JCAD: variants seen among roughly 807,000 people sequenced by gnomAD.
JCAD encodes junctional cadherin 5 associated.
Under a neutral mutation model 98.0 loss-of-function variants are expected in JCAD, and 40 were observed. The ratio of observed to expected loss-of-function variants is 0.41; its 90% CI spans 0.32 to 0.53. The LOEUF (loss-of-function observed/expected upper bound fraction) is 0.53, where lower values mean the gene tolerates loss of function less well. JCAD is among the 20% of genes least tolerant of loss of function. JCAD has a pLI of 0.31. For synonymous variants in JCAD, 691 were observed against 682.3 expected, an observed-to-expected ratio of 1.01 and a Z score of -0.20; for missense variants, 1,705 against 1,738.1, an observed-to-expected ratio of 0.98 and a Z score of 0.34.
Position 30,047,878 on chromosome 10 carries a change from G to A in JCAD, c.-59-7C>T. 2 of 1,503,258 alleles carry A rather than the reference G, an allele frequency of 1.3e-6. No homozygotes were observed. Among genetic ancestry groups the A allele is most frequent in the South Asian group, 1.3e-5 (1 of 76,592 alleles). 93.1% of individuals were successfully genotyped at this position (1,503,258 alleles called of 1,614,324 possible). On this transcript the variant is annotated splice_polypyrimidine_tract_variant and splice_region_variant and intron_variant, in intron 1 of 3. Coordinates refer to ENST00000375377, the MANE Select transcript of JCAD (RefSeq NM_020848.4). ...GTGGTGGCAGGACCCAGCACTGCAG[G>A]ACAACAGAGAGCTCTATTTGTGACT...
intron 1 of JCAD, among the ~76,000 whole-genome samples, chr10:30,102,296 T>A (rs1838485993): frequency 6.6e-6 from 1 of 151,950 alleles, no homozygotes; most frequent in Admixed American, 6.6e-5. Context: ...AGCCTCCCAA[T>A]TAGCTGGGAT....
intron 3 of JCAD, among the ~76,000 whole-genome samples, chr10:30,025,685 C>T (rs1467235343): frequency 2.0e-5 from 3 of 151,662 alleles, no homozygotes; most frequent in Non-Finnish European, 2.9e-5. Context: ...CTCAGGAGTT[C>T]GAGACCAGCC....
chr10:30,108,424 A>T lies in JCAD; in HGVS notation n.128+6943T>A, dbSNP rs555103305. Reference sequence around the variant, plus strand: ...TATTCAAGCTCAGAATTGCAGAGGGATAGGCATCCACATAGCCTTGAGTTT... The same window carrying T: ...TATTCAAGCTCAGAATTGCAGAGGGTTAGGCATCCACATAGCCTTGAGTTT... On this transcript the variant is annotated intron_variant and non_coding_transcript_variant, in intron 1 of 2. Transcript: ENST00000465712. 9.9e-5 allele frequency among the ~76,000 whole-genome samples: 15 copies of T among 152,200 alleles called. No individual in the cohort carries two copies. In the East Asian group the frequency reaches 1.7e-3, roughly 18 times the overall value.
rs767490663 is a variant in JCAD at position 30,041,411 on chromosome 10, TAGAAAC to T, written c.281+6115_281+6120del. On this transcript the variant is annotated intron_variant, in intron 2 of 3. Coordinates refer to ENST00000375377, the MANE Select transcript of JCAD (RefSeq NM_020848.4). ...TAAGTTTGTAAAAGAAAGAGGAACA[TAGAAAC>T]AGATGTTAAACTTGAAGCATTCTCT... is the stretch of plus-strand genomic sequence containing the variant. 7.9e-5 allele frequency among the ~76,000 whole-genome samples: 12 copies of T among 152,306 alleles called. No individual in the cohort carries two copies. The East Asian group carries it at 1.2e-3, about 15-fold the overall frequency.
intron 1 of JCAD, among the ~76,000 whole-genome samples, chr10:30,078,595 T>G (rs1276358283): frequency 1.3e-5 from 2 of 152,210 alleles, no homozygotes; most frequent in Admixed American, 6.5e-5. Context: ...TCTGATCTGA[T>G]AGCAAGACCA....
At chr10:30,086,139 A>AT (rs983808268) in intron 1 of JCAD, among the ~76,000 whole-genome samples, 9 of 152,096 alleles carry the variant, frequency 5.9e-5, no homozygotes, top group African/African-American at 1.9e-4. Context: ...TTAAAAAATT[A>AT]TTTTTTTAAA....
chr10:30,016,415 AG>A lies in JCAD; in HGVS notation c.*1467del, dbSNP rs1836536651. ...AAGAAAGGAAGGGAGGGAGGGAGGGAGGGAGGGGAAATGATTTAGGGAATGT... is the reference window on the plus strand; with the variant it reads ...AAGAAAGGAAGGGAGGGAGGGAGGGAGGAGGGGAAATGATTTAGGGAATGT... On this transcript the variant is annotated 3_prime_UTR_variant, in exon 4 of 4. Coordinates refer to ENST00000375377, the MANE Select transcript of JCAD (RefSeq NM_020848.4). The A allele has an allele frequency of 1.2e-5, 1 of 81,230 alleles. No homozygotes were observed. Among genetic ancestry groups the A allele is most frequent in the African/African-American group, 4.6e-5 (1 of 21,802 alleles). The allele number at this position is 81,230 out of a possible 1,614,324, so 5.0% of individuals were successfully genotyped here.
chr10:30,113,722 C>G (rs1838745839), intron 1 of JCAD, among the ~76,000 whole-genome samples: 1 of 152,076 alleles, frequency 6.6e-6, no homozygotes, highest in South Asian at 2.1e-4. Context: ...CTTTTTACCT[C>G]TCATCAGGGC....
At chr10:30,046,213 G>A (rs1374870462) in intron 2 of JCAD, among the ~76,000 whole-genome samples, 1 of 152,170 alleles carries the variant, frequency 6.6e-6, no homozygotes, top group African/African-American at 2.4e-5. Flanking sequence ...CACAGTGTTA[G>A]GAAGGGATGA....
intron 3 of JCAD, among the ~76,000 whole-genome samples, chr10:30,019,858 T>C (rs920101674): frequency 5.3e-5 from 8 of 151,918 alleles, no homozygotes; most frequent in Admixed American, 3.3e-4. Flanking sequence ...AATCTATAGA[T>C]GAATCAAAAC....
At chr10:30,054,122 T>A (rs1976920739) in intron 1 of JCAD, among the ~76,000 whole-genome samples, 2 of 152,232 alleles carry the variant, frequency 1.3e-5, no homozygotes, top group Non-Finnish European at 2.9e-5. Context: ...CATAAAATTA[T>A]GTTTTCAGGT....
At position 30,085,500 on chromosome 10, in the gene JCAD, A is replaced by G. The variant is rs1372711472; in HGVS notation, n.129-15679T>C. On this transcript the variant is annotated intron_variant and non_coding_transcript_variant, in intron 1 of 2. Coordinates refer to the JCAD transcript ENST00000465712. Reference sequence around the variant, plus strand: ...TTGCAGTGGCTTTGAGAAGACAGAGATTAAGGAAGCAGTGTGATCATGAAA... The same window carrying G: ...TTGCAGTGGCTTTGAGAAGACAGAGGTTAAGGAAGCAGTGTGATCATGAAA... Among the ~76,000 whole-genome samples the G allele has an allele frequency of 2.0e-5, 3 of 152,168 alleles. No homozygotes were observed. The East Asian group carries it at 5.8e-4, about 29-fold the overall frequency.
chr10:30,054,505 CTTA>C (rs1314833721), intron 1 of JCAD, among the ~76,000 whole-genome samples: 2 of 151,568 alleles, frequency 1.3e-5, no homozygotes, highest in Non-Finnish European at 2.9e-5. Flanking sequence ...TATCCACATT[CTTA>C]TTATATAATT....
At chr10:30,111,247 G>C (rs1008051677) in intron 1 of JCAD, among the ~76,000 whole-genome samples, 1 of 152,222 alleles carries the variant, frequency 6.6e-6, no homozygotes, top group South Asian at 2.1e-4. Context: ...ACAGCCCTTC[G>C]GGACCCAGCC....
At position 30,029,779 on chromosome 10, in the gene JCAD, G is replaced by T. The variant is rs570839435; in HGVS notation, c.369C>A (p.Ala123=). 6.2e-7 allele frequency: 1 copy of T among 1,614,198 alleles called. No homozygotes were observed. Among genetic ancestry groups the T allele is most frequent in the East Asian group, 2.2e-5 (1 of 44,886 alleles). The change falls in exon 3 of 4, where the codon GCC becomes GCA. Residue 123 remains alanine (A), a synonymous_variant. Coordinates refer to ENST00000375377, the MANE Select transcript of JCAD (RefSeq NM_020848.4). The stretch of plus-strand genomic sequence containing the variant: ...CGTGCTCCCTCGGCTTCTGGCTCCT[G>T]GCTTCTTGCCGTCCTCTTCTCCGGT... The part of the protein sequence containing the change: ...QAYRRRGRQE[A]RSQKPREHEN...
chr10:30,027,464 C>G lies in JCAD; in HGVS notation c.2684G>C (p.Arg895Thr). ...CACAGGGCTCTCCGGCACCCACATC[C>G]TCGGCTGTGGCTCAACCCTCATTTC... The part of the protein sequence containing the change: ...SPEMRVEPQP[R>T]MWVPESPVCR... Residue 895 changes from arginine (R) to threonine (T), a missense_variant, in exon 3 of 4, where the codon AGG becomes ACG. Physicochemically the swap from Arg to Thr is moderately conservative, Grantham distance 71 (BLOSUM62 -1). Around this residue, in one of 3 missense-constraint regions of JCAD, gnomAD observed 1,278 missense variants for 1,243.1 expected, o/e 1.03. Coordinates refer to ENST00000375377, the MANE Select transcript of JCAD (RefSeq NM_020848.4). 6.2e-7 allele frequency: 1 copy of G among 1,605,570 alleles called. No individual in the cohort carries two copies.
chr10:30,032,837 G>A (rs895284800), intron 2 of JCAD, among the ~76,000 whole-genome samples: 4 of 152,162 alleles, frequency 2.6e-5, no homozygotes, highest in African/African-American at 9.7e-5. Flanking sequence ...GGTGGTTGCT[G>A]TGTGCTAGGT....
rs1369103762 is a variant in JCAD at position 30,014,353 on chromosome 10, A to G, written c.*3530T>C. 6.6e-6 allele frequency: 1 copy of G among 152,222 alleles called. No individual in the cohort carries two copies. Among genetic ancestry groups the G allele is most frequent in the Non-Finnish European group, 1.5e-5 (1 of 68,026 alleles). 9.4% of individuals were successfully genotyped at this position (152,222 alleles called of 1,614,324 possible). A position where few individuals can be genotyped will look rare whatever the true frequency, so the allele number is the denominator to read the frequency against. ...CCTGCATAAATGGGTCTGGTAGAAC[A>G]ATGCTCCCCAACGCTAAAGTAATTG... On this transcript the variant is annotated 3_prime_UTR_variant, in exon 4 of 4. Transcript: ENST00000375377.
chr10:30,036,317 T>G (rs576947283), intron 2 of JCAD, among the ~76,000 whole-genome samples: 1 of 151,944 alleles, frequency 6.6e-6, no homozygotes, highest in African/African-American at 2.4e-5. Context: ...GGCGTGGTAG[T>G]GGGTGCCTGT....
Sources: allele counts gnomAD v4.1 joint callset (sites outside exome capture counted in the v4.1 genomes callset), GRCh38; gene constraint gnomAD v4.1.1; regional missense constraint gnomAD v4.1.1; transcripts MANE v1.5; gene names NCBI Gene and HGNC (gene_info 2026-07-23, HGNC 2026-07-21).